The following NUDT4 variants were observed in gnomAD, a reference collection of about 807,000 sequenced individuals.
NUDT4 encodes nudix hydrolase 4, also known as diphosphoinositol polyphosphate phosphohydrolase 2.
In NUDT4, 5 loss-of-function variants were observed where a neutral mutation model predicts 23.1. That is an observed-to-expected ratio of 0.22 (90% CI 0.11 to 0.46). The LOEUF (loss-of-function observed/expected upper bound fraction) is 0.46, where lower values mean the gene tolerates loss of function less well. Ranked by LOEUF, NUDT4 falls within the 20% of genes least tolerant of loss-of-function variation. NUDT4 has a pLI of 0.99. For missense variants in NUDT4, 96 were observed against 211.6 expected (o/e 0.45, Z 3.39); for synonymous variants, 50 against 79.0 (o/e 0.63, Z 1.95).
chr12:93,400,815 G>A lies in NUDT4; in HGVS notation c.*1436G>A, dbSNP rs1165802175. The A allele has an allele frequency of 6.6e-6, 1 of 152,456 alleles. No homozygotes were observed. The highest frequency in any genetic ancestry group is 2.4e-5 in the African/African-American group (1 of 41,612). 9.4% of individuals were successfully genotyped at this position (152,456 alleles called of 1,614,324 possible). On this transcript the variant is annotated 3_prime_UTR_variant, in exon 5 of 5. Coordinates refer to ENST00000415493, the MANE Select transcript of NUDT4 (RefSeq NM_019094.6). ...GTAGAGACAGGGTTTCTTCATGTTG[G>A]TCAGGCTGGTCTCAAACTCCTAACC...
In NUDT4 at chr12:93,401,922, ATTTT is replaced by A. The variant is rs746372735; in HGVS notation, c.*2558_*2561del. The A allele has an allele frequency of 4.3e-5, 4 of 92,762 alleles. No homozygotes were observed. Among genetic ancestry groups the A allele is most frequent in the Admixed American group, 1.2e-4 (1 of 8,062 alleles). 5.7% of individuals were successfully genotyped at this position (92,762 alleles called of 1,614,324 possible). ...CAGAGTGTTGGGACTGTCATTTGTGATTTTTTTTTTTTTTTTTTGGTGGGGTAGT... is the reference window on the plus strand; with the variant it reads ...CAGAGTGTTGGGACTGTCATTTGTGATTTTTTTTTTTTTTGGTGGGGTAGT... On this transcript the variant is annotated 3_prime_UTR_variant, in exon 5 of 5. Transcript: ENST00000415493.
intron 1 of NUDT4, 104 bp from the exon 2 acceptor site, chr12:93,394,505 T>G (rs2054301): frequency 0.29 from 170,049 of 592,596 alleles, 27,840 homozygotes; most frequent in East Asian, 0.65. Context: ...TTTTAAAATA[T>G]TTTAATCTAG....
intron 3 of NUDT4, among the ~76,000 whole-genome samples, chr12:93,397,067 G>A (rs1876987692): frequency 6.6e-6 from 1 of 152,138 alleles, no homozygotes; most frequent in Non-Finnish European, 1.5e-5. Context: ...TAAATAATAT[G>A]GGAAGGTAAC....
rs1877644002 is a variant in NUDT4 at position 93,403,897 on chromosome 12, A to T, written c.*4518A>T. 6.6e-6 allele frequency: 1 copy of T among 152,244 alleles called. No individual in the cohort carries two copies. The highest frequency in any genetic ancestry group is 1.5e-5 in the Non-Finnish European group (1 of 68,044). The allele number at this position is 152,244 out of a possible 1,614,324, so 9.4% of individuals were successfully genotyped here. A position where few individuals can be genotyped will look rare whatever the true frequency, so the allele number is the denominator to read the frequency against. On this transcript the variant is annotated 3_prime_UTR_variant, in exon 5 of 5. Coordinates refer to ENST00000415493, the MANE Select transcript of NUDT4 (RefSeq NM_019094.6). ...TCTTAGCAAGCAAGACATTATAGCAAAGACCTAAACACTCAAAGGTTCAAC... is the reference window on the plus strand; with the variant it reads ...TCTTAGCAAGCAAGACATTATAGCATAGACCTAAACACTCAAAGGTTCAAC...
In NUDT4 at chr12:93,399,493, G is replaced by C; in HGVS notation, c.*114G>C. 4.5e-6 allele frequency: 2 copies of C among 444,440 alleles called. No homozygotes were observed. The highest frequency in any genetic ancestry group is 1.0e-4 in the South Asian group (2 of 19,240). 27.5% of individuals were successfully genotyped at this position (444,440 alleles called of 1,614,324 possible). A position where few individuals can be genotyped will look rare whatever the true frequency, so the allele number is the denominator to read the frequency against. On this transcript the variant is annotated 3_prime_UTR_variant, in exon 5 of 5. Coordinates refer to ENST00000415493, the MANE Select transcript of NUDT4 (RefSeq NM_019094.6). ...CAAACTGTCTGAATTTGCCATGCAA[G>C]GTTTTCAAACAATTTGCATGTTTTT... is the stretch of plus-strand genomic sequence containing the variant.
chr12:93,396,137 T>C (rs980100948), intron 3 of NUDT4, among the ~76,000 whole-genome samples: 1 of 152,206 alleles, frequency 6.6e-6, no homozygotes, highest in Non-Finnish European at 1.5e-5. Flanking sequence ...ATAGATCTTT[T>C]AGGAGGTACA....
At chr12:93,383,693 G>A (rs1040334692) in intron 1 of NUDT4, among the ~76,000 whole-genome samples, 6 of 152,278 alleles carry the variant, frequency 3.9e-5, no homozygotes, top group South Asian at 2.1e-4. Context: ...TTAGCCAGGC[G>A]TGGTGGTGTG....
chr12:93,390,157 T>C (rs2120913266), intron 1 of NUDT4, among the ~76,000 whole-genome samples: 1 of 152,330 alleles, frequency 6.6e-6, no homozygotes, highest in East Asian at 1.9e-4. Context: ...GCTAGCCACC[T>C]GCGTTATGTC....
chr12:93,380,459 GGT>G (rs1351364916), intron 1 of NUDT4, among the ~76,000 whole-genome samples: 3 of 152,172 alleles, frequency 2.0e-5, no homozygotes, highest in Non-Finnish European at 2.9e-5. Context: ...CATTAGGTAA[GGT>G]GAAGTAGGGA....
chr12:93,385,207 G>A (rs1875969089), intron 1 of NUDT4: 1 of 152,196 alleles, frequency 6.6e-6, no homozygotes, highest in Admixed American at 6.5e-5. Flanking sequence ...CATGGGAAGA[G>A]GGAGTAAGAT....
rs1877572775 is a variant in NUDT4 at position 93,402,938 on chromosome 12, A to G, written c.*3559A>G. The G allele has an allele frequency of 6.6e-6, 1 of 151,952 alleles. No homozygotes were observed. Among genetic ancestry groups the G allele is most frequent in the Non-Finnish European group, 1.5e-5 (1 of 67,968 alleles). 9.4% of individuals were successfully genotyped at this position (151,952 alleles called of 1,614,324 possible). On this transcript the variant is annotated 3_prime_UTR_variant, in exon 5 of 5. Transcript: ENST00000415493. ...CTGTTCAAGTGTCACTTCATTTTTT[A>G]TTAGGGGTTTCTTAGTTGGAGGGCA...
chr12:93,407,443 A>G lies in NUDT4; in HGVS notation c.*8064A>G, dbSNP rs1223904399. On this transcript the variant is annotated 3_prime_UTR_variant, in exon 5 of 5. Coordinates refer to ENST00000415493, the MANE Select transcript of NUDT4 (RefSeq NM_019094.6). ...TTTTGTTGAATAATGTGTTTCCTTT[A>G]GCCCAGGGATTACAAAGTCAAAGGC... is the stretch of plus-strand genomic sequence containing the variant. The G allele has an allele frequency of 6.6e-6, 1 of 152,238 alleles. No individual in the cohort carries two copies. Among genetic ancestry groups the G allele is most frequent in the African/African-American group, 2.4e-5 (1 of 41,440 alleles). The allele number at this position is 152,238 out of a possible 1,614,324, so 9.4% of individuals were successfully genotyped here.
rs1402286875 is a variant in NUDT4, at chr12:93,378,204, C to T, written c.-119C>T. On this transcript the variant is annotated 5_prime_UTR_variant, in exon 1 of 5. Transcript: ENST00000415493. ...TCGCCGCACCTCCCGCACCGACTAG[C>T]GCTCCCGGGCGCTCCTGCGCCCGAC... 9 of 389,788 alleles carry T rather than the reference C, an allele frequency of 2.3e-5. No individual in the cohort carries two copies. The highest frequency in any genetic ancestry group is 1.3e-4 in the African/African-American group (6 of 46,834). 24.1% of individuals were successfully genotyped at this position (389,788 alleles called of 1,614,324 possible). A position where few individuals can be genotyped will look rare whatever the true frequency, so the allele number is the denominator to read the frequency against.
intron 1 of NUDT4, 122 bp from the exon 2 acceptor site, chr12:93,394,487 T>A: frequency 1.8e-6 from 1 of 546,500 alleles, no homozygotes; most frequent in Admixed American, 3.2e-5. Flanking sequence ...CCCCTAATTT[T>A]AATTAAATTT....
rs1229345516 is a variant in NUDT4, at chr12:93,401,941, G to T, written c.*2562G>T. The T allele has an allele frequency of 1.4e-3, 97 of 71,210 alleles. No individual in the cohort carries two copies. Among genetic ancestry groups the T allele is most frequent in the East Asian group, 2.0e-3 (6 of 2,952 alleles). The allele number at this position is 71,210 out of a possible 1,614,324, so 4.4% of individuals were successfully genotyped here. A position where few individuals can be genotyped will look rare whatever the true frequency, so the allele number is the denominator to read the frequency against. On this transcript the variant is annotated 3_prime_UTR_variant, in exon 5 of 5. Coordinates refer to ENST00000415493, the MANE Select transcript of NUDT4 (RefSeq NM_019094.6). Reference sequence around the variant, plus strand: ...TTTGTGATTTTTTTTTTTTTTTTTTGGTGGGGTAGTTGAATAAAATTGGGC... The same window carrying T: ...TTTGTGATTTTTTTTTTTTTTTTTTTGTGGGGTAGTTGAATAAAATTGGGC...
intron 3 of NUDT4, among the ~76,000 whole-genome samples, chr12:93,395,901 AAT>A (rs1307714425): frequency 1.3e-5 from 2 of 152,052 alleles, no homozygotes; most frequent in Non-Finnish European, 2.9e-5. Flanking sequence ...TTGTATTTTT[AAT>A]AGAGATGGGG....
At position 93,383,132 on chromosome 12, in the gene NUDT4, A is replaced by C. The variant is rs182389819; in HGVS notation, c.99+4711A>C. 5.5e-4 allele frequency among the ~76,000 whole-genome samples: 83 copies of C among 152,100 alleles called. 1 individual carries two copies. Among genetic ancestry groups the C allele is most frequent in the Middle Eastern group, 3.4e-3 (1 of 294 alleles). ...CTCAAGCTTTTCTCTAATTGAAAAA[A>C]AGCTTATACCCCGTCACTTTAAAAC... On this transcript the variant is annotated intron_variant, in intron 1 of 4. Transcript: ENST00000415493.
chr12:93,396,903 C>G (rs1796662907), intron 3 of NUDT4, among the ~76,000 whole-genome samples: 1 of 152,194 alleles, frequency 6.6e-6, no homozygotes, highest in African/African-American at 2.4e-5. Flanking sequence ...AAGTAGAATT[C>G]AGTCTTTTCC....
At chr12:93,391,531 C>G (rs1876499499) in intron 1 of NUDT4, among the ~76,000 whole-genome samples, 1 of 151,070 alleles carries the variant, frequency 6.6e-6, no homozygotes, top group South Asian at 2.1e-4. Context: ...TGCCACTGCC[C>G]TCCAGCCTGG....
Sources: allele counts gnomAD v4.1 joint callset (sites outside exome capture counted in the v4.1 genomes callset), GRCh38; gene constraint gnomAD v4.1.1; transcripts MANE v1.5; gene names NCBI Gene and HGNC (gene_info 2026-07-23, HGNC 2026-07-21).